The following MDGA2 variants were observed in gnomAD, a reference collection of about 807,000 sequenced individuals.
MDGA2 encodes MAM domain containing glycosylphosphatidylinositol anchor 2, also known as MAM domain-containing glycosylphosphatidylinositol anchor protein 2.
MDGA2 carries 40 observed loss-of-function variants against 117.8 expected under a neutral mutation model. That is an observed-to-expected ratio of 0.34 (90% CI 0.26 to 0.44). The LOEUF is 0.44. Among genes scored for constraint, MDGA2 ranks in the 20% least tolerant of loss-of-function variants. MDGA2 has a pLI of 1.00. For missense variants in MDGA2, 1,123 were observed against 1,250.6 expected (o/e 0.90, Z 1.54); for synonymous variants, 452 against 439.0 (o/e 1.03, Z -0.37).
chr14:47,252,371 A>G (rs2139645709), intron 2 of MDGA2, among the ~76,000 whole-genome samples: 1 of 152,332 alleles, frequency 6.6e-6, no homozygotes, highest in East Asian at 1.9e-4. Flanking sequence ...ATCTTTTCAC[A>G]TAAAATATAA....
intron 8 of MDGA2, among the ~76,000 whole-genome samples, chr14:47,004,799 TCA>T (rs1342578707): frequency 6.6e-6 from 1 of 151,722 alleles, no homozygotes; most frequent in African/African-American, 2.4e-5. Flanking sequence ...TCACATCTTT[TCA>T]CAGATTTTTC....
At chr14:47,559,837 T>G (rs1895761576) in intron 1 of MDGA2, among the ~76,000 whole-genome samples, 2 of 152,262 alleles carry the variant, frequency 1.3e-5, no homozygotes, top group East Asian at 3.9e-4. Context: ...CCTCCCAAAG[T>G]GCTGGGATTA....
Position 47,131,825 on chromosome 14 carries a change from G to C in MDGA2, c.814C>G (p.Leu272Val). 1 of 1,583,176 alleles carries C rather than the reference G, an allele frequency of 6.3e-7. No individual in the cohort carries two copies. The highest frequency in any genetic ancestry group is 8.6e-7 in the Non-Finnish European group (1 of 1,157,438). Residue 272 changes from leucine to valine, a missense_variant, in exon 5 of 17, where the codon CTA (leucine) becomes GTA (valine). Physicochemically the swap from Leu to Val is conservative, Grantham distance 32 (BLOSUM62 1). Coordinates refer to ENST00000399232, the MANE Select transcript of MDGA2 (RefSeq NM_001113498.3). ...TAGTCCTGAGGTCGAAGATTCTTTA[G>C]TTTTAAGATCTTTGTTTCACCCTGA... ...FTQGETKILK[L>V]KNLRPQDYAN...
At chr14:47,202,276 C>A (rs1424488381) in intron 3 of MDGA2, among the ~76,000 whole-genome samples, 3 of 152,120 alleles carry the variant, frequency 2.0e-5, no homozygotes, top group Non-Finnish European at 2.9e-5. Context: ...GTATAGATAT[C>A]ATCATGGGCC....
At chr14:47,172,849 C>A (rs998927589) in intron 3 of MDGA2, among the ~76,000 whole-genome samples, 4 of 152,104 alleles carry the variant, frequency 2.6e-5, no homozygotes, top group Admixed American at 6.5e-5. Flanking sequence ...TCAAACTACT[C>A]CGAGCTACAG....
At chr14:47,522,889 A>T (rs1894898560) in intron 1 of MDGA2, among the ~76,000 whole-genome samples, 1 of 152,180 alleles carries the variant, frequency 6.6e-6, no homozygotes, top group Non-Finnish European at 1.5e-5. Context: ...TTTAAAATTG[A>T]TTAGCATCTT....
chr14:47,476,759 A>T (rs555840312), intron 1 of MDGA2, among the ~76,000 whole-genome samples: 3 of 152,338 alleles, frequency 2.0e-5, no homozygotes, highest in African/African-American at 7.2e-5. Flanking sequence ...TATAATTGAA[A>T]ATATAAAAAC....
intron 1 of MDGA2, among the ~76,000 whole-genome samples, chr14:47,556,081 G>A (rs1228623550): frequency 6.6e-6 from 1 of 152,114 alleles, no homozygotes; most frequent in Non-Finnish European, 1.5e-5. Flanking sequence ...CTGACCCCCA[G>A]TTCTTTTGCT....
At chr14:47,666,009 A>C (rs537965925) in intron 1 of MDGA2, among the ~76,000 whole-genome samples, 54 of 151,966 alleles carry the variant, frequency 3.6e-4, no homozygotes, top group Non-Finnish European at 7.4e-5. Context: ...CACTGGGTGA[A>C]GCCAGCTGGG....
At chr14:47,033,693 C>T (rs1014269835) in intron 8 of MDGA2, among the ~76,000 whole-genome samples, 1 of 152,000 alleles carries the variant, frequency 6.6e-6, no homozygotes, top group East Asian at 1.9e-4. Flanking sequence ...AACTCATAAT[C>T]GATTAGAAAT....
chr14:47,051,826 A>T (rs1269187742), intron 7 of MDGA2, among the ~76,000 whole-genome samples: 1 of 151,900 alleles, frequency 6.6e-6, no homozygotes, highest in Non-Finnish European at 1.5e-5. Context: ...TCTTTTTGCC[A>T]ATTGTGAATG....
chr14:47,019,075 A>T (rs1353552716), intron 8 of MDGA2, among the ~76,000 whole-genome samples: 1 of 152,160 alleles, frequency 6.6e-6, no homozygotes, highest in Non-Finnish European at 1.5e-5. Context: ...ATTAACATTT[A>T]TTGAATGAAT....
At chr14:47,188,266 G>C (rs1371417167) in intron 3 of MDGA2, among the ~76,000 whole-genome samples, 2 of 152,154 alleles carry the variant, frequency 1.3e-5, no homozygotes, top group African/African-American at 4.8e-5. Context: ...AGAAGTGATA[G>C]AATTTCACCT....
chr14:47,282,310 G>A (rs754753351), intron 2 of MDGA2, among the ~76,000 whole-genome samples: 2 of 152,088 alleles, frequency 1.3e-5, no homozygotes, highest in African/African-American at 4.8e-5. Context: ...AACTTTCCAT[G>A]GAATAATACT....
chr14:46,988,931 T>C (rs1886971593), intron 8 of MDGA2, among the ~76,000 whole-genome samples: 2 of 151,486 alleles, frequency 1.3e-5, no homozygotes, highest in South Asian at 2.1e-4. Flanking sequence ...CTGTGCAAAG[T>C]ACAGTTTCTG....
chr14:47,256,899 GGAAA>G (rs374767949), intron 2 of MDGA2, among the ~76,000 whole-genome samples: 68 of 144,796 alleles, frequency 4.7e-4, no homozygotes, highest in African/African-American at 1.2e-3. Flanking sequence ...GAAAAAAGAA[GGAAA>G]GAAAGAAAGA....
chr14:47,387,189 T>C (rs1178047719), intron 1 of MDGA2, among the ~76,000 whole-genome samples: 3 of 152,140 alleles, frequency 2.0e-5, no homozygotes. Context: ...TCTAACATTA[T>C]TTCAAAATTT....
chr14:47,186,284 A>G (rs567780602), intron 3 of MDGA2, among the ~76,000 whole-genome samples: 1 of 151,898 alleles, frequency 6.6e-6, no homozygotes, highest in South Asian at 2.1e-4. Flanking sequence ...TTACATAAAG[A>G]TTATTTTATG....
intron 1 of MDGA2, among the ~76,000 whole-genome samples, chr14:47,554,229 T>C (rs1218042097): frequency 6.6e-6 from 1 of 152,206 alleles, no homozygotes; most frequent in Non-Finnish European, 1.5e-5. Flanking sequence ...GTATATCACA[T>C]ACCTAGTAGT....
Sources: gnomAD v4.1 joint callset for allele counts (sites outside exome capture counted in the v4.1 genomes callset) on GRCh38, gnomAD v4.1.1 for gene constraint, MANE v1.5 for transcripts, NCBI Gene and HGNC (gene_info 2026-07-23, HGNC 2026-07-21) for gene names.